PTP4A1: variants seen among roughly 807,000 people sequenced by gnomAD.
The protein encoded by PTP4A1 is protein tyrosine phosphatase 4A1, also known as protein tyrosine phosphatase type IVA 1.
PTP4A1 carries 9 observed loss-of-function variants against 20.5 expected under a neutral mutation model. The ratio of observed to expected loss-of-function variants is 0.44; its 90% CI spans 0.26 to 0.77. The LOEUF (loss-of-function observed/expected upper bound fraction) is 0.77, where lower values mean the gene tolerates loss of function less well. Among genes scored for constraint, PTP4A1 ranks in the 30% least tolerant of loss-of-function variants. PTP4A1 has a pLI of 0.19. For synonymous variants in PTP4A1, 78 were observed against 67.4 expected (o/e 1.16, Z -0.77); for missense variants, 137 against 218.8 (o/e 0.63, Z 2.36).
chr6:63,537,918 C>T (rs544106837), intron 2 of PTP4A1, among the ~76,000 whole-genome samples: 2 of 152,072 alleles, frequency 1.3e-5, no homozygotes, highest in African/African-American at 4.8e-5. Flanking sequence ...ACAGGCAGGC[C>T]CAGACAGGAG....
chr6:63,547,177 G>T, intron 2 of PTP4A1, among the ~76,000 whole-genome samples: 1 of 150,522 alleles, frequency 6.6e-6, no homozygotes, highest in Admixed American at 6.7e-5. Flanking sequence ...TTACAGGCTA[G>T]TAGGGGGGAA....
At chr6:63,542,558 C>T (rs1776027319) in intron 2 of PTP4A1, among the ~76,000 whole-genome samples, 1 of 152,164 alleles carries the variant, frequency 6.6e-6, no homozygotes, top group African/African-American at 2.4e-5. Flanking sequence ...TTGCCTCTCT[C>T]CAATCTCTCT....
At chr6:63,577,046 C>T in intron 2 of PTP4A1, 61 bp downstream of exon 2, 1 of 1,331,274 alleles carries the variant, frequency 7.5e-7, no homozygotes, top group South Asian at 1.3e-5. Flanking sequence ...GGACTTATAG[C>T]TAACAAAATA....
At chr6:63,549,016 C>T (rs1342322938) in intron 2 of PTP4A1, 11 of 727,710 alleles carry the variant, frequency 1.5e-5, no homozygotes, top group South Asian at 8.6e-5. Flanking sequence ...ACAACCAGCT[C>T]GATGGGATCC....
upstream of PTP4A1, among the ~76,000 whole-genome samples, chr6:63,517,016 A>G (rs567152374): frequency 8.5e-4 from 130 of 152,294 alleles, 1 homozygote; most frequent in Admixed American, 1.6e-3. Flanking sequence ...TTGTTTTGGG[A>G]TATTTATTTC....
intron 2 of PTP4A1, among the ~76,000 whole-genome samples, chr6:63,546,372 G>A (rs1450373126): frequency 1.3e-5 from 2 of 152,120 alleles, no homozygotes; most frequent in Non-Finnish European, 2.9e-5. Context: ...GGTTGCCAGG[G>A]GCTGAGGCTT....
At chr6:63,527,298 A>T (rs1257484744) in intron 1 of PTP4A1, among the ~76,000 whole-genome samples, 1 of 152,140 alleles carries the variant, frequency 6.6e-6, no homozygotes, top group Non-Finnish European at 1.5e-5. Flanking sequence ...TTCCTCCTAG[A>T]TTTATAAACT....
chr6:63,549,060 T>G (rs1191797692), intron 2 of PTP4A1: 2 of 720,214 alleles, frequency 2.8e-6, no homozygotes, highest in Non-Finnish European at 2.5e-6. Context: ...CTGAGCTTTC[T>G]TATTCTCTAG....
chr6:63,561,182 T>A (rs576436014), intron 3 of PTP4A1, among the ~76,000 whole-genome samples: 1 of 152,196 alleles, frequency 6.6e-6, no homozygotes, highest in African/African-American at 2.4e-5. Context: ...CAGGGACTCT[T>A]GCAGTTAAGC....
chr6:63,559,215 C>T (rs1294478377), intron 3 of PTP4A1, among the ~76,000 whole-genome samples: 1 of 152,140 alleles, frequency 6.6e-6, no homozygotes, highest in African/African-American at 2.4e-5. Flanking sequence ...ATAAATACTC[C>T]CTTGTAACAA....
intron 3 of PTP4A1, among the ~76,000 whole-genome samples, chr6:63,553,350 GT>G (rs1776533297): frequency 6.6e-6 from 1 of 152,204 alleles, no homozygotes; most frequent in African/African-American, 2.4e-5. Context: ...AGAATCTCCT[GT>G]GGTCACTGAA....
intron 2 of PTP4A1, among the ~76,000 whole-genome samples, chr6:63,531,526 T>G (rs948582040): frequency 2.7e-5 from 4 of 150,120 alleles, no homozygotes; most frequent in Admixed American, 6.6e-5. Context: ...TTTTTTTTTT[T>G]TTTTTTGTAA....
intron 2 of PTP4A1, among the ~76,000 whole-genome samples, chr6:63,533,788 T>C (rs900163558): frequency 6.6e-6 from 1 of 152,076 alleles, no homozygotes; most frequent in Non-Finnish European, 1.5e-5. Flanking sequence ...GGATTTTTTT[T>C]AAAGTTACAC....
intron 2 of PTP4A1, among the ~76,000 whole-genome samples, 159 bp from the exon 3 acceptor site, chr6:63,578,278 A>G (rs892791747): frequency 6.6e-6 from 1 of 152,236 alleles, no homozygotes; most frequent in African/African-American, 2.4e-5. Context: ...ACTTAAAACA[A>G]AATTTGCTTT....
At chr6:63,566,529 C>T (rs1777196143) in intron 3 of PTP4A1, among the ~76,000 whole-genome samples, 1 of 152,088 alleles carries the variant, frequency 6.6e-6, no homozygotes, top group African/African-American at 2.4e-5. Flanking sequence ...GGTCAAGACA[C>T]AGAAAGGAAG....
At chr6:63,572,344 C>G (rs928135057), upstream of PTP4A1, 2 of 279,392 alleles carry the variant, frequency 7.2e-6, no homozygotes, top group East Asian at 6.0e-5. Flanking sequence ...CGGCGGCCGC[C>G]GCGGAGTGAC....
At chr6:63,577,081 T>G (rs1769559036) in intron 2 of PTP4A1, 96 bp downstream of exon 2, 1 of 866,954 alleles carries the variant, frequency 1.2e-6, no homozygotes, top group Non-Finnish European at 1.8e-6. Context: ...AAAAATGAGA[T>G]GATATACCTA....
At chr6:63,526,803 G>GTGTATATA (rs1324842070) in intron 1 of PTP4A1, among the ~76,000 whole-genome samples, 2 of 101,446 alleles carry the variant, frequency 2.0e-5, no homozygotes, top group African/African-American at 8.7e-5. Context: ...TCTCAAAAAT[G>GTGTATATA]TATATATATA....
chr6:63,553,185 A>G (rs1776527340), intron 3 of PTP4A1, among the ~76,000 whole-genome samples: 1 of 152,200 alleles, frequency 6.6e-6, no homozygotes, highest in South Asian at 2.1e-4. Context: ...GCCTCATCAA[A>G]TAAGTCCTCA....
Sources: gnomAD v4.1 joint callset for allele counts (sites outside exome capture counted in the v4.1 genomes callset) on GRCh38, gnomAD v4.1.1 for gene constraint, MANE v1.5 for transcripts, NCBI Gene and HGNC (gene_info 2026-07-23, HGNC 2026-07-21) for gene names.